Variants in DHX8 observed in about 807,000 individuals in gnomAD.
The protein encoded by DHX8 is DEAH-box helicase 8, also known as ATP-dependent RNA helicase DHX8.
DHX8 carries 67 observed loss-of-function variants against 140.7 expected under a neutral mutation model. The observed-to-expected ratio is 0.48, with a 90% CI of 0.39 to 0.58. The LOEUF (loss-of-function observed/expected upper bound fraction) is 0.58, where lower values mean the gene tolerates loss of function less well. DHX8 is among the 20% of genes least tolerant of loss of function. DHX8 has a pLI of 0.00. For synonymous variants in DHX8, 533 were observed against 553.2 expected (o/e 0.96, Z 0.51); for missense variants, 887 against 1,550.7 (o/e 0.57, Z 7.19).
At chr17:43,530,748 G>A (rs1300745197), downstream of DHX8, among the ~76,000 whole-genome samples, 1 of 152,036 alleles carries the variant, frequency 6.6e-6, no homozygotes, top group Non-Finnish European at 1.5e-5. Flanking sequence ...CCATTCCATA[G>A]GATAGGAACC....
chr17:43,488,008 G>A (rs764817071), intron 1 of DHX8, among the ~76,000 whole-genome samples: 13 of 151,674 alleles, frequency 8.6e-5, no homozygotes, highest in Non-Finnish European at 5.9e-5. Flanking sequence ...GTCCAGGTGC[G>A]GTGGCTCATG....
At chr17:43,496,318 A>AATTGGG in intron 9 of DHX8, 50 bp downstream of exon 9, 1 of 1,364,442 alleles carries the variant, frequency 7.3e-7, no homozygotes. Flanking sequence ...TGAGCCATTG[A>AATTGGG]ATTGGGTGAT....
intron 9 of DHX8, 143 bp downstream of exon 9, chr17:43,496,411 C>A: frequency 1.7e-6 from 1 of 605,912 alleles, no homozygotes; most frequent in Non-Finnish European, 2.9e-6. Flanking sequence ...AAGGATCTCA[C>A]CATGATGGAA....
chr17:43,512,280 G>A (rs138401365), intron 16 of DHX8, among the ~76,000 whole-genome samples: 4 of 151,904 alleles, frequency 2.6e-5, no homozygotes, highest in Non-Finnish European at 4.4e-5. Flanking sequence ...TCAGCTACTC[G>A]GGAGGCTGAG....
In DHX8 at chr17:43,504,826, G is replaced by C; in HGVS notation, c.1728+1G>C. ...CAAACTGAAGGAGCAATTGGTCCAG[G>C]TGAGAAGACTTTTATGATGTATTGG... is the stretch of plus-strand genomic sequence containing the variant. On this transcript the variant is annotated splice_donor_variant, in intron 12 of 22. Transcript: ENST00000262415. LOFTEE classifies it high-confidence loss of function. 6.2e-7 allele frequency: 1 copy of C among 1,612,260 alleles called. No homozygotes were observed. The highest frequency in any genetic ancestry group is 8.5e-7 in the Non-Finnish European group (1 of 1,179,286).
In DHX8 at chr17:43,525,220, T is replaced by TA; in HGVS notation, c.*1374dup. On this transcript the variant is annotated 3_prime_UTR_variant, in exon 23 of 23. Coordinates refer to ENST00000262415, the MANE Select transcript of DHX8 (RefSeq NM_004941.3). ...TTCTGAGAGATTGGGCACATCCTGT[T>TA]ACGTTGCTGCTTCTCCTGTCCTTAT... is the stretch of plus-strand genomic sequence containing the variant. 2.0e-6 allele frequency: 2 copies of TA among 985,450 alleles called. No individual in the cohort carries two copies. Among genetic ancestry groups the TA allele is most frequent in the South Asian group, 4.7e-5 (1 of 21,288 alleles). 61.0% of individuals were successfully genotyped at this position (985,450 alleles called of 1,614,324 possible).
chr17:43,493,352 A>G, intron 6 of DHX8, 93 bp from the exon 7 acceptor site: 2 of 1,513,720 alleles, frequency 1.3e-6, no homozygotes, highest in Non-Finnish European at 1.8e-6. Context: ...TGAGTTTAAG[A>G]CCATTTTCTT....
chr17:43,530,607 C>CGTGTGT (rs1414343747), downstream of DHX8, among the ~76,000 whole-genome samples: 502 of 138,730 alleles, frequency 3.6e-3, 2 homozygotes, highest in Middle Eastern at 0.015. Context: ...TGTGCACGCG[C>CGTGTGT]GCGTGTGTGT....
rs1046991536 is a variant in DHX8 at position 43,492,225 on chromosome 17, C to T, written c.436C>T (p.Leu146=). 2 of 1,613,962 alleles carry T rather than the reference C, an allele frequency of 1.2e-6. No individual in the cohort carries two copies. Among genetic ancestry groups the T allele is most frequent in the African/African-American group, 2.7e-5 (2 of 74,900 alleles). ...TGATGTGAAAGTTGCTGTGGATGTC[C>T]TGAAAGAACTGGAAGCTTTAATGCC... The part of the protein sequence containing the change: ...EDDVKVAVDV[L]KELEALMPSA... The change falls in exon 5 of 23, where the codon CTG becomes TTG. Residue 146 remains leucine, a synonymous_variant. Transcript: ENST00000262415.
At chr17:43,533,803 C>T (rs1971089113) in intron 2 of DHX8, 8 of 1,590,636 alleles carry the variant, frequency 5.0e-6, no homozygotes, top group Non-Finnish European at 6.8e-6. Context: ...GTGCCCCCTG[C>T]CTCCCTCCTC....
At chr17:43,505,586 C>T (rs772997243) in intron 12 of DHX8, among the ~76,000 whole-genome samples, 5 of 151,886 alleles carry the variant, frequency 3.3e-5, no homozygotes, top group Non-Finnish European at 5.9e-5. Flanking sequence ...TTTGTGTGTG[C>T]GTGTACAGAC....
intron 9 of DHX8, 122 bp from the exon 10 acceptor site, chr17:43,498,740 T>C (rs888697003): frequency 1.4e-6 from 1 of 691,318 alleles, no homozygotes; most frequent in African/African-American, 1.9e-5. Context: ...TGAGCCACCA[T>C]GCCCCACCAG....
In DHX8 at chr17:43,492,983, A is replaced by G. The variant is rs1353411265; in HGVS notation, c.806A>G (p.Asn269Ser). 4 of 1,614,114 alleles carry G rather than the reference A, an allele frequency of 2.5e-6. No individual in the cohort carries two copies. Among genetic ancestry groups the G allele is most frequent in the East Asian group, 2.2e-5 (1 of 44,900 alleles). ...GAGCCCACCATTGGTGACATTTATA[A>G]TGGCAAAGTTACCAGCATCATGCAG... ...PEEPTIGDIY[N>S]GKVTSIMQFG... Residue 269 changes from asparagine (N) to serine (S), a missense_variant, in exon 6 of 23, where the codon AAT becomes AGT. By Grantham distance (46) the Asn-to-Ser change is conservative. Transcript: ENST00000262415.
rs1251074954 is a variant in DHX8, at chr17:43,498,854, A to G, written c.1301-8A>G. The G allele has an allele frequency of 1.3e-6, 2 of 1,585,242 alleles. No individual in the cohort carries two copies. The highest frequency in any genetic ancestry group is 1.7e-6 in the Non-Finnish European group (2 of 1,168,298). The stretch of plus-strand genomic sequence containing the variant: ...TATGGCTAATTCTTCTTTTGGGGGG[A>G]CTTTTAGATGAGGACCTTGAGATTG... On this transcript the variant is annotated splice_region_variant and splice_polypyrimidine_tract_variant and intron_variant, in intron 9 of 22. Transcript: ENST00000262415.
Position 43,492,976 on chromosome 17 carries a change from A to G in DHX8, c.799A>G (p.Ile267Val), listed in dbSNP as rs1287268019. 4.3e-6 allele frequency: 7 copies of G among 1,614,094 alleles called. No individual in the cohort carries two copies. In the African/African-American group the frequency reaches 9.3e-5, roughly 22 times the overall value. The stretch of plus-strand genomic sequence containing the variant: ...TCCAGAAGAGCCCACCATTGGTGAC[A>G]TTTATAATGGCAAAGTTACCAGCAT... Reference protein sequence around the residue: ...PPPEEPTIGDIYNGKVTSIMQ... With the variant: ...PPPEEPTIGDVYNGKVTSIMQ... The change falls in exon 6 of 23, where the codon ATT becomes GTT. Residue 267 changes from isoleucine (I) to valine (V), a missense_variant. Physicochemically the swap from Ile to Val is conservative, Grantham distance 29. Coordinates refer to ENST00000262415, the MANE Select transcript of DHX8 (RefSeq NM_004941.3).
At chr17:43,497,723 G>A (rs1012037533) in intron 9 of DHX8, among the ~76,000 whole-genome samples, 1 of 151,948 alleles carries the variant, frequency 6.6e-6, no homozygotes, top group African/African-American at 2.4e-5. Context: ...CCACTGTGCT[G>A]TAGCCTGGGC....
chr17:43,513,528 T>C (rs1262349881), intron 17 of DHX8, 26 bp downstream of exon 17: 1 of 1,608,544 alleles, frequency 6.2e-7, no homozygotes, highest in South Asian at 1.1e-5. Context: ...TCAACAGTTT[T>C]CCTGATAATC....
intron 2 of DHX8, 109 bp downstream of exon 2, chr17:43,489,643 T>C (rs1474075079): frequency 1.4e-6 from 1 of 737,134 alleles, no homozygotes; most frequent in African/African-American, 1.8e-5. Context: ...TGGGCTGGAG[T>C]GCAGTGGCGC....
chr17:43,528,191 C>G (rs960522762), downstream of DHX8: 3 of 279,874 alleles, frequency 1.1e-5, no homozygotes, highest in Non-Finnish European at 2.0e-5. Context: ...CTTCTCTGTC[C>G]CCCAGAACAG....
Sources: gnomAD v4.1 joint callset for allele counts (sites outside exome capture counted in the v4.1 genomes callset) on GRCh38, gnomAD v4.1.1 for gene constraint, MANE v1.5 for transcripts, NCBI Gene and HGNC (gene_info 2026-07-23, HGNC 2026-07-21) for gene names.